The following ZNF519 variants were observed in gnomAD, a reference collection of about 807,000 sequenced individuals.
The protein encoded by ZNF519 is similar to Zinc finger protein 85 (Zinc finger protein HPF4) (HTF1).
In ZNF519, 7 loss-of-function variants were observed where a neutral mutation model predicts 7.4. The ratio of observed to expected loss-of-function variants is 0.94; its 90% CI spans 0.54 to 1.77. The LOEUF (loss-of-function observed/expected upper bound fraction) is 1.77. Among genes scored for constraint, ZNF519 ranks in the 40% most tolerant of loss-of-function variants. The pLI is 0.00. For missense variants in ZNF519, 586 were observed against 623.1 expected (o/e 0.94, Z 0.63); for synonymous variants, 179 against 203.3 (o/e 0.88, Z 1.02).
At chr18:14,114,152 A>C (rs1476544733) in intron 2 of ZNF519, among the ~76,000 whole-genome samples, 1 of 151,808 alleles carries the variant, frequency 6.6e-6, no homozygotes, top group Non-Finnish European at 1.5e-5. Flanking sequence ...ATGTGATTCC[A>C]TTTGTCCATT....
intron 2 of ZNF519, among the ~76,000 whole-genome samples, chr18:14,107,597 A>C (rs1213740937): frequency 6.6e-6 from 1 of 152,144 alleles, no homozygotes; most frequent in Non-Finnish European, 1.5e-5. Flanking sequence ...AGCATGGCCA[A>C]AGGGAGGAAG....
At chr18:14,075,555 G>C (rs1012602754), downstream of ZNF519, 26 of 152,176 alleles carry the variant, frequency 1.7e-4, no homozygotes, top group African/African-American at 6.0e-4. Context: ...TTCTCTGTGG[G>C]GCTCCTTTAT....
chr18:14,105,967 G>A lies in ZNF519; in HGVS notation c.573C>T (p.Tyr191=), dbSNP rs746446830. Residue 191 remains tyrosine (Y), a synonymous_variant, in exon 3 of 3, where the codon TAC becomes TAT. Coordinates refer to ENST00000590202, the MANE Select transcript of ZNF519 (RefSeq NM_145287.4). ...YNCNECEKVF[Y]QSSKLIFPEN... is the part of the protein sequence containing the mutation. ...CAGGGAAAATAAGCTTTGAGGATTG[G>A]TAAAATACTTTTTCACATTCATTAC... 5.0e-6 allele frequency: 8 copies of A among 1,598,710 alleles called. No individual in the cohort carries two copies. In the South Asian group the frequency reaches 9.0e-5, roughly 18 times the overall value.
At chr18:14,088,622 A>G (rs1045072349) in intron 2 of ZNF519, among the ~76,000 whole-genome samples, 1 of 152,236 alleles carries the variant, frequency 6.6e-6, no homozygotes, top group Admixed American at 6.5e-5. Flanking sequence ...AAGAAAAGAT[A>G]AAAGTTGTCT....
intron 1 of ZNF519, among the ~76,000 whole-genome samples, chr18:14,128,279 C>T (rs1456299125): frequency 1.5e-5 from 2 of 134,666 alleles, no homozygotes; most frequent in Non-Finnish European, 3.2e-5. Context: ...GGCGACAGAG[C>T]GAGACTCTCT....
At chr18:14,077,048 G>A (rs777104718) in exon 5 of ZNF519, 1 of 151,932 alleles carries the variant, frequency 6.6e-6, no homozygotes, top group Non-Finnish European at 1.5e-5. Context: ...AAATGTCCCC[G>A]ACTCTTCTAG....
intron 2 of ZNF519, among the ~76,000 whole-genome samples, chr18:14,107,913 A>G (rs1410082053): frequency 6.6e-6 from 1 of 152,106 alleles, no homozygotes; most frequent in African/African-American, 2.4e-5. Flanking sequence ...ACCACAGTAC[A>G]ACAGAAAACG....
chr18:14,084,760 A>C (rs1188393359), intron 3 of ZNF519: 1 of 152,162 alleles, frequency 6.6e-6, no homozygotes, highest in East Asian at 1.9e-4. Flanking sequence ...TTACTTTATA[A>C]ACATGTAAAT....
chr18:14,128,011 C>T (rs750074729), intron 1 of ZNF519, among the ~76,000 whole-genome samples: 15 of 151,808 alleles, frequency 9.9e-5, no homozygotes, highest in Non-Finnish European at 1.5e-4. Context: ...CTCCACCAGC[C>T]GGGCGCGGTG....
intron 1 of ZNF519, among the ~76,000 whole-genome samples, chr18:14,131,470 G>A (rs1428272634): frequency 2.6e-5 from 4 of 152,210 alleles, no homozygotes; most frequent in Non-Finnish European, 4.4e-5. Context: ...TGGCAGAACA[G>A]AGTAGTGGAT....
intron 1 of ZNF519, among the ~76,000 whole-genome samples, chr18:14,126,623 C>G (rs1431342244): frequency 6.6e-6 from 1 of 152,170 alleles, no homozygotes. Context: ...TGCTTCATCT[C>G]TTTTTCTAAT....
At chr18:14,095,137 T>C (rs537775454), downstream of ZNF519, among the ~76,000 whole-genome samples, 2 of 151,374 alleles carry the variant, frequency 1.3e-5, no homozygotes, top group East Asian at 3.9e-4. Flanking sequence ...CCATTTTTTG[T>C]TGTGTGTCCA....
At chr18:14,083,881 TG>T (rs2046079451) in intron 3 of ZNF519, among the ~76,000 whole-genome samples, 1 of 152,198 alleles carries the variant, frequency 6.6e-6, no homozygotes. Context: ...CCTCATCCAC[TG>T]GGAGCAGACA....
chr18:14,125,683 TTTTAA>T (rs1197056978), intron 1 of ZNF519, among the ~76,000 whole-genome samples: 1 of 151,848 alleles, frequency 6.6e-6, no homozygotes, highest in Admixed American at 6.6e-5. Context: ...GAAACACTGG[TTTTAA>T]TTTTTTTTTT....
At position 14,106,189 on chromosome 18, in the gene ZNF519, T is replaced by A; in HGVS notation, c.351A>T (p.Gly117=). 1.9e-6 allele frequency: 3 copies of A among 1,612,626 alleles called. No homozygotes were observed. The highest frequency in any genetic ancestry group is 2.5e-6 in the Non-Finnish European group (3 of 1,179,650). The part of the protein sequence containing the change: ...TSHNKHLTVK[G]DKEYRIFQKK... ...TCTGAAATATTCTATATTCTTTGTC[T>A]CCTTTCACAGTTAAATGTTTGTTAT... The change falls in exon 3 of 3, where the codon GGA becomes GGT. Residue 117 remains glycine, a synonymous_variant. Transcript: ENST00000590202.
chr18:14,107,630 T>A (rs10221378), intron 2 of ZNF519, among the ~76,000 whole-genome samples: 2,378 of 152,038 alleles, frequency 0.016, 65 homozygotes, highest in African/African-American at 0.055. Flanking sequence ...GCTCTTGGGG[T>A]CCCTTATTCC....
At chr18:14,089,954 G>C (rs2046107287) in intron 2 of ZNF519, 1 of 152,226 alleles carries the variant, frequency 6.6e-6, no homozygotes. Context: ...AGCCGTGATG[G>C]CTGCGGTGCA....
At chr18:14,091,772 T>C (rs2046115640) in intron 2 of ZNF519, among the ~76,000 whole-genome samples, 1 of 151,940 alleles carries the variant, frequency 6.6e-6, no homozygotes, top group African/African-American at 2.4e-5. Flanking sequence ...GCAATATTGG[T>C]AGAAGAGGTC....
intron 2 of ZNF519, among the ~76,000 whole-genome samples, chr18:14,091,749 T>A (rs907660249): frequency 1.3e-5 from 2 of 151,638 alleles, no homozygotes; most frequent in African/African-American, 2.4e-5. Flanking sequence ...CAGTGACACA[T>A]GGGAGGATGG....
Sources: allele counts gnomAD v4.1 joint callset (sites outside exome capture counted in the v4.1 genomes callset), GRCh38; gene constraint gnomAD v4.1.1; transcripts MANE v1.5; gene names NCBI Gene and HGNC (gene_info 2026-07-23, HGNC 2026-07-21).